The following MIPOL1 variants were observed in gnomAD, a reference collection of about 807,000 sequenced individuals.
MIPOL1 encodes the protein mirror-image polydactyly gene 1 protein.
A neutral mutation model predicts 60.9 loss-of-function variants in MIPOL1; 57 were observed. That is an observed-to-expected ratio of 0.94 (90% CI 0.76 to 1.17). The LOEUF (loss-of-function observed/expected upper bound fraction) is 1.17, where lower values mean the gene tolerates loss of function less well. Ranked by LOEUF, MIPOL1 falls within the 50% of genes most tolerant of loss-of-function variation. The pLI is 0.00. For missense variants in MIPOL1, 551 were observed against 511.6 expected, an observed-to-expected ratio of 1.08 and a Z score of -0.74; for synonymous variants, 179 against 168.8, an observed-to-expected ratio of 1.06 and a Z score of -0.47.
intron 1 of MIPOL1, among the ~76,000 whole-genome samples, chr14:37,207,093 G>A (rs1713378079): frequency 6.6e-6 from 1 of 152,170 alleles, no homozygotes; most frequent in South Asian, 2.1e-4. Flanking sequence ...ACCAGGGGCG[G>A]AATGATATGG....
At chr14:37,266,181 T>C (rs2153383957) in intron 3 of MIPOL1, among the ~76,000 whole-genome samples, 1 of 152,312 alleles carries the variant, frequency 6.6e-6, no homozygotes, top group Non-Finnish European at 1.5e-5. Context: ...ACAAGTTAAA[T>C]AGTGGTAATT....
chr14:37,478,039 A>G (rs531903797), intron 11 of MIPOL1, among the ~76,000 whole-genome samples: 3 of 152,252 alleles, frequency 2.0e-5, no homozygotes, highest in South Asian at 2.1e-4. Flanking sequence ...TCAGAAAGTC[A>G]TGCTATTGGA....
chr14:37,267,246 G>A (rs1452491471), intron 4 of MIPOL1, 77 bp downstream of exon 4: 3 of 1,075,492 alleles, frequency 2.8e-6, no homozygotes, highest in South Asian at 2.8e-5. Context: ...TCAGCACTTT[G>A]GGAGGACGAG....
intron 3 of MIPOL1, among the ~76,000 whole-genome samples, chr14:37,251,902 A>G (rs1974172794): frequency 6.6e-6 from 1 of 151,968 alleles, no homozygotes; most frequent in African/African-American, 2.4e-5. Flanking sequence ...TGAGATCTGG[A>G]TACCAGTTAA....
chr14:37,283,929 T>C (rs918063135), intron 6 of MIPOL1, among the ~76,000 whole-genome samples: 2 of 152,150 alleles, frequency 1.3e-5, no homozygotes, highest in African/African-American at 4.8e-5. Context: ...CTCCAAGCTG[T>C]TATTATTGCC....
At chr14:37,482,539 G>A (rs994727129) in intron 11 of MIPOL1, among the ~76,000 whole-genome samples, 2 of 152,128 alleles carry the variant, frequency 1.3e-5, no homozygotes, top group Admixed American at 6.6e-5. Flanking sequence ...AGGTAAAGGG[G>A]AAGCAAGGAC....
At chr14:37,320,398 T>C (rs906631816) in intron 9 of MIPOL1, among the ~76,000 whole-genome samples, 37 of 152,276 alleles carry the variant, frequency 2.4e-4, no homozygotes, top group African/African-American at 8.4e-4. Context: ...GTTTCCCTAA[T>C]GACTAATGAT....
At chr14:37,514,885 C>T (rs1208540644) in intron 12 of MIPOL1, among the ~76,000 whole-genome samples, 2 of 152,082 alleles carry the variant, frequency 1.3e-5, no homozygotes, top group African/African-American at 2.4e-5. Flanking sequence ...TAAATAGACA[C>T]GTAGGTATAC....
intron 9 of MIPOL1, among the ~76,000 whole-genome samples, chr14:37,337,510 A>G (rs1440601699): frequency 6.7e-6 from 1 of 150,282 alleles, no homozygotes; most frequent in Non-Finnish European, 1.5e-5. Context: ...CTAGGATTAC[A>G]GGTGCCCACC....
At chr14:37,299,292 G>A (rs954165171) in intron 7 of MIPOL1, among the ~76,000 whole-genome samples, 3 of 151,482 alleles carry the variant, frequency 2.0e-5, no homozygotes, top group African/African-American at 7.3e-5. Context: ...ACTGTTGTAG[G>A]GTAGGGAGAG....
At chr14:37,293,527 A>G (rs1205400062) in intron 7 of MIPOL1, among the ~76,000 whole-genome samples, 3 of 152,184 alleles carry the variant, frequency 2.0e-5, no homozygotes, top group Non-Finnish European at 4.4e-5. Context: ...TCACCCGGGA[A>G]GCGCAAGGGG....
intron 11 of MIPOL1, among the ~76,000 whole-genome samples, chr14:37,483,144 G>A (rs540650729): frequency 3.6e-5 from 5 of 138,524 alleles, no homozygotes; most frequent in Non-Finnish European, 4.6e-5. Flanking sequence ...ACCAAGTCTC[G>A]TTCTGTTGCC....
At chr14:37,411,571 G>A (rs980475361) in intron 10 of MIPOL1, among the ~76,000 whole-genome samples, 5 of 151,966 alleles carry the variant, frequency 3.3e-5, no homozygotes, top group Admixed American at 1.3e-4. Flanking sequence ...CTCTATGGTT[G>A]GTAAACTATG....
Position 37,244,213 on chromosome 14 carries a change from G to A in MIPOL1, c.-198-2890G>A, listed in dbSNP as rs143351012. On this transcript the variant is annotated intron_variant, in intron 1 of 12. Coordinates refer to ENST00000684589, the MANE Select transcript of MIPOL1 (RefSeq NM_001388067.1). ...TGACTCACTGCAGTCTCCGCCTCTC[G>A]GGTTCAAGCAATTCTCCTGCCTCAG... Among the ~76,000 whole-genome samples, 628 of 140,290 alleles carry A rather than the reference G, an allele frequency of 4.5e-3. 5 individuals carry two copies. Among genetic ancestry groups the A allele is most frequent in the African/African-American group, 0.016 (584 of 36,956 alleles). 92.0% of individuals were successfully genotyped at this position (140,290 alleles called of 152,430 possible).
At position 37,293,450 on chromosome 14, in the gene MIPOL1, AGACAGTGGGTGCAG is replaced by A. The variant is rs554051461; in HGVS notation, c.623+8018_623+8031del. ...CAGGTTCATCTCACTGGGGAGTGCC[AGACAGTGGGTGCAG>A]GACAGTGGGTGCAGTGCACTGTGCA... On this transcript the variant is annotated intron_variant, in intron 7 of 12. Coordinates refer to ENST00000684589, the MANE Select transcript of MIPOL1 (RefSeq NM_001388067.1). Among the ~76,000 whole-genome samples, 5 of 152,228 alleles carry A rather than the reference AGACAGTGGGTGCAG, an allele frequency of 3.3e-5. No homozygotes were observed. In the East Asian group the frequency reaches 9.7e-4, roughly 30 times the overall value.
intron 11 of MIPOL1, among the ~76,000 whole-genome samples, chr14:37,489,365 G>T (rs555411891): frequency 6.6e-6 from 1 of 152,090 alleles, no homozygotes; most frequent in South Asian, 2.1e-4. Context: ...TTTTTTCAAG[G>T]TTCTTAGCTT....
chr14:37,214,168 C>A (rs1001981906), intron 1 of MIPOL1, among the ~76,000 whole-genome samples: 17 of 152,138 alleles, frequency 1.1e-4, no homozygotes. Context: ...AGACAGAAAA[C>A]CACAGAATAC....
chr14:37,412,554 CAG>C (rs1362313515), intron 10 of MIPOL1, among the ~76,000 whole-genome samples: 1 of 151,862 alleles, frequency 6.6e-6, no homozygotes, highest in Non-Finnish European at 1.5e-5. Context: ...AGCAAAAAAA[CAG>C]AAAAGAATAT....
chr14:37,442,063 A>T (rs2094254988), intron 11 of MIPOL1, among the ~76,000 whole-genome samples: 1 of 150,484 alleles, frequency 6.6e-6, no homozygotes, highest in Non-Finnish European at 1.5e-5. Flanking sequence ...GTAGGTTGAA[A>T]AAGTTTCATT....
Sources: allele counts gnomAD v4.1 joint callset (sites outside exome capture counted in the v4.1 genomes callset), GRCh38; gene constraint gnomAD v4.1.1; transcripts MANE v1.5; gene names NCBI Gene and HGNC (gene_info 2026-07-23, HGNC 2026-07-21).